The following DMXL2 variants were observed in gnomAD, a reference collection of about 807,000 sequenced individuals.
DMXL2 encodes the protein Dmx like 2, also known as dmX-like protein 2.
A neutral mutation model predicts 331.1 loss-of-function variants in DMXL2; 103 were observed. The ratio of observed to expected loss-of-function variants is 0.31; its 90% CI spans 0.27 to 0.37. The LOEUF (loss-of-function observed/expected upper bound fraction) is 0.37, where lower values mean the gene tolerates loss of function less well. DMXL2 is among the 10% of genes least tolerant of loss of function. The pLI, the probability that DMXL2 is intolerant of heterozygous loss-of-function variation, is 1.00. For missense variants in DMXL2, 3,171 were observed against 3,642.9 expected (o/e 0.87, Z 3.33); for synonymous variants, 1,281 against 1,252.1 (o/e 1.02, Z -0.49).
At chr15:51,611,297 T>C (rs1021160246) in intron 1 of DMXL2, among the ~76,000 whole-genome samples, 7 of 152,086 alleles carry the variant, frequency 4.6e-5, no homozygotes, top group South Asian at 2.1e-4. Context: ...GCTGCAGACC[T>C]AAGAAGATAT....
rs771229925 is a variant in DMXL2, at chr15:51,449,016, T to TA, written c.9144dup (p.Asn3049Ter). 1.2e-6 allele frequency: 2 copies of TA among 1,614,082 alleles called. No homozygotes were observed. The highest frequency in any genetic ancestry group is 1.7e-6 in the Non-Finnish European group (2 of 1,180,044). On this transcript the variant is annotated frameshift_variant, in exon 44 of 44. Transcript: ENST00000560891. LOFTEE classifies it high-confidence loss of function. ...ATGTCAAGAATTCTGTTAGGGATGT[T>TA]AAAAGCATTGGGCAAAACCCTGGTT...
Position 51,499,724 on chromosome 15 carries a change from T to G in DMXL2, c.3500A>C (p.His1167Pro), listed in dbSNP as rs755276324. The change falls in exon 18 of 44, where the codon CAT becomes CCT. Residue 1167 changes from histidine to proline, a missense_variant. Physicochemically the swap from His to Pro is moderately conservative, Grantham distance 77. Coordinates refer to ENST00000560891, the MANE Select transcript of DMXL2 (RefSeq NM_001378457.1). ...KDRYLIPNIK[H>P]LVHLDWVSKE... is the part of the protein sequence containing the mutation. ...TGATACCCAGTCCAAATGTACTAAA[T>G]GTTTGATATTCGGAATAAGATATCT... 2 of 1,614,138 alleles carry G rather than the reference T, an allele frequency of 1.2e-6. No individual in the cohort carries two copies. The highest frequency in any genetic ancestry group is 2.2e-5 in the South Asian group (2 of 91,076).
At chr15:51,507,975 G>A (rs558497548) in intron 15 of DMXL2, among the ~76,000 whole-genome samples, 39 of 152,084 alleles carry the variant, frequency 2.6e-4, no homozygotes, top group African/African-American at 9.4e-4. Flanking sequence ...TCTAATGCAG[G>A]ATAATAAAAG....
At chr15:51,525,819 G>C (rs752274703) in intron 13 of DMXL2, among the ~76,000 whole-genome samples, 1 of 152,012 alleles carries the variant, frequency 6.6e-6, no homozygotes, top group African/African-American at 2.4e-5. Context: ...TATTGACTCT[G>C]CTCCCTACCT....
intron 19 of DMXL2, among the ~76,000 whole-genome samples, chr15:51,493,479 G>T (rs2042948425): frequency 6.6e-6 from 1 of 152,030 alleles, no homozygotes; most frequent in African/African-American, 2.4e-5. Flanking sequence ...AAAGAACAGG[G>T]GCACGAATAG....
At chr15:51,542,147 GAATCACATAGTCCC>G (rs574683062) in intron 9 of DMXL2, among the ~76,000 whole-genome samples, 172 bp downstream of exon 9, 2 of 152,190 alleles carry the variant, frequency 1.3e-5, no homozygotes, top group African/African-American at 4.8e-5. Flanking sequence ...AATACCCTGA[GAATCACATAGTCCC>G]AATCACATAG....
Position 51,622,702 on chromosome 15 carries a change from C to G in DMXL2, c.-157G>C. On this transcript the variant is annotated 5_prime_UTR_variant, in exon 1 of 44. Coordinates refer to ENST00000560891, the MANE Select transcript of DMXL2 (RefSeq NM_001378457.1). ...TCCTCGCCCCCCTTTCGCCTTCCCTCCGCCTCGTCCCTGCCATGGGAGCTC... is the reference window on the plus strand; with the variant it reads ...TCCTCGCCCCCCTTTCGCCTTCCCTGCGCCTCGTCCCTGCCATGGGAGCTC... 7.3e-7 allele frequency: 1 copy of G among 1,367,868 alleles called. No homozygotes were observed. The highest frequency in any genetic ancestry group is 9.6e-7 in the Non-Finnish European group (1 of 1,040,206). The allele number at this position is 1,367,868 out of a possible 1,614,324, so 84.7% of individuals were successfully genotyped here.
In DMXL2 at chr15:51,463,467, T is replaced by C; in HGVS notation, c.7838A>G (p.Lys2613Arg). Reference sequence around the variant, plus strand: ...TTTAACAAGGAAATGCCAAAGTCGTTTGACTGGAAATGCAGAAGAATCCCG... The same window carrying C: ...TTTAACAAGGAAATGCCAAAGTCGTCTGACTGGAAATGCAGAAGAATCCCG... The part of the protein sequence containing the change: ...KSRDSSAFPV[K>R]RLWHFLVKQE... Residue 2613 changes from lysine (K) to arginine (R), a missense_variant, in exon 33 of 44, where the codon AAA (lysine) becomes AGA (arginine). This residue lies in a region of DMXL2 where 766 missense variants were observed against 940.5 expected (regional missense o/e 0.81). Coordinates refer to ENST00000560891, the MANE Select transcript of DMXL2 (RefSeq NM_001378457.1). 2 of 1,598,690 alleles carry C rather than the reference T, an allele frequency of 1.3e-6. No individual in the cohort carries two copies. Among genetic ancestry groups the C allele is most frequent in the Middle Eastern group, 1.7e-4 (1 of 6,010 alleles).
At chr15:51,574,982 A>C (rs1362900336) in intron 2 of DMXL2, among the ~76,000 whole-genome samples, 1 of 152,152 alleles carries the variant, frequency 6.6e-6, no homozygotes, top group Non-Finnish European at 1.5e-5. Flanking sequence ...AAAAAGAGAA[A>C]TCTGACACTC....
chr15:51,507,374 G>T, intron 15 of DMXL2, 121 bp from the exon 16 acceptor site: 1 of 903,220 alleles, frequency 1.1e-6, no homozygotes, highest in Non-Finnish European at 1.6e-6. Flanking sequence ...AGGCAAGAAA[G>T]ACTTTAAGGA....
intron 10 of DMXL2, among the ~76,000 whole-genome samples, chr15:51,538,010 C>T (rs1226080896): frequency 6.6e-6 from 1 of 152,166 alleles, no homozygotes; most frequent in Non-Finnish European, 1.5e-5. Context: ...AAGGATATGG[C>T]TTCCAAAGAA....
rs1213210309 is a variant in DMXL2, at chr15:51,448,030, G to A, written c.*954C>T. 2 of 152,526 alleles carry A rather than the reference G, an allele frequency of 1.3e-5. No individual in the cohort carries two copies. Among genetic ancestry groups the A allele is most frequent in the Admixed American group, 1.3e-4 (2 of 15,268 alleles). The allele number at this position is 152,526 out of a possible 1,614,324, so 9.4% of individuals were successfully genotyped here. A position where few individuals can be genotyped will look rare whatever the true frequency, so the allele number is the denominator to read the frequency against. On this transcript the variant is annotated 3_prime_UTR_variant, in exon 44 of 44. Transcript: ENST00000560891. ...AATACATCAAAATAATGACAACATT[G>A]GCTAATATTTTACAAGCAAATATTT...
intron 2 of DMXL2, among the ~76,000 whole-genome samples, chr15:51,569,280 T>C (rs8037840): frequency 0.48 from 73,062 of 151,970 alleles, 17,868 homozygotes; most frequent in Non-Finnish European, 0.52. Context: ...TTGCTGAGGC[T>C]TGAGTAGATG....
chr15:51,592,567 C>T (rs534071214), intron 1 of DMXL2, among the ~76,000 whole-genome samples: 65 of 152,220 alleles, frequency 4.3e-4, no homozygotes, highest in African/African-American at 1.4e-3. Flanking sequence ...ATACAGAGAA[C>T]GCCACAAAGA....
In DMXL2 at chr15:51,563,444, G is replaced by C. The variant is rs1156868344; in HGVS notation, c.504C>G (p.Thr168=). Residue 168 remains threonine (T), a synonymous_variant, in exon 6 of 44, where the codon ACC becomes ACG. Transcript: ENST00000560891. ...NDWKCVWQCK[T]SVSVHLMEWS... ...ATTCCATCAAATGTACAGATACTGA[G>C]GTTCTAAAAAAGAGAGAGTTAGGCA... The C allele has an allele frequency of 3.1e-6, 5 of 1,602,436 alleles. No homozygotes were observed. The Admixed American group carries it at 5.2e-5, about 17-fold the overall frequency.
intron 14 of DMXL2, 73 bp from the exon 15 acceptor site, chr15:51,514,632 C>T: frequency 1.2e-6 from 1 of 850,400 alleles, no homozygotes; most frequent in African/African-American, 1.7e-5. Context: ...TCTGTCACCT[C>T]CCCAATGCTA....
rs150019262 is a variant in DMXL2, at chr15:51,601,447, G to A, written c.87+21012C>T. Among the ~76,000 whole-genome samples, 1,438 of 152,180 alleles carry A rather than the reference G, an allele frequency of 9.4e-3. 20 individuals carry two copies. Among genetic ancestry groups the A allele is most frequent in the African/African-American group, 0.033 (1,382 of 41,498 alleles). On this transcript the variant is annotated intron_variant, in intron 1 of 43. Transcript: ENST00000560891. ...TAATCTACTTGGAGTTAATTTTTAT[G>A]TATGGGGTGAGATAGGGACCAAGTC... is the stretch of plus-strand genomic sequence containing the variant.
At chr15:51,508,232 C>T (rs2046531716) in intron 15 of DMXL2, among the ~76,000 whole-genome samples, 1 of 152,080 alleles carries the variant, frequency 6.6e-6, no homozygotes, top group Non-Finnish European at 1.5e-5. Context: ...ACATAGATGA[C>T]AGGTTGATGG....
rs1454089066 is a variant in DMXL2, at chr15:51,465,590, G to C, written c.7582C>G (p.Pro2528Ala). The change falls in exon 31 of 44, where the codon CCT (proline) becomes GCT (alanine). Residue 2528 changes from proline to alanine, a missense_variant. Physicochemically the swap from Pro to Ala is conservative, Grantham distance 27 (BLOSUM62 -1). Transcript: ENST00000560891. The part of the protein sequence containing the change: ...LALHNVKNFF[P>A]IAGLEFSELP... ...CCAGAGAATTCCAGTCCAGCAATAG[G>C]AAAGAAATTCTTGACATTGTGAAGT... is the stretch of plus-strand genomic sequence containing the variant. 1 of 1,606,706 alleles carries C rather than the reference G, an allele frequency of 6.2e-7. No individual in the cohort carries two copies. Among genetic ancestry groups the C allele is most frequent in the African/African-American group, 1.3e-5 (1 of 74,374 alleles).
Sources: gnomAD v4.1 joint callset for allele counts (sites outside exome capture counted in the v4.1 genomes callset) on GRCh38, gnomAD v4.1.1 for gene constraint, gnomAD v4.1.1 regional missense constraint, MANE v1.5 for transcripts, NCBI Gene and HGNC (gene_info 2026-07-23, HGNC 2026-07-21) for gene names.